NDUFAF2: variants seen among roughly 807,000 people sequenced by gnomAD.
NDUFAF2 encodes the protein NADH dehydrogenase [ubiquinone] 1 alpha subcomplex assembly factor 2.
In NDUFAF2, 13 loss-of-function variants were observed where a neutral mutation model predicts 22.8. The observed-to-expected ratio is 0.57, with a 90% CI of 0.37 to 0.91. The LOEUF is 0.91. Among genes scored for constraint, NDUFAF2 ranks in the 40% least tolerant of loss-of-function variants. NDUFAF2 has a pLI of 0.01. For missense variants in NDUFAF2, 162 were observed against 195.2 expected, an observed-to-expected ratio of 0.83 and a Z score of 1.01; for synonymous variants, 53 against 64.2, an observed-to-expected ratio of 0.83 and a Z score of 0.84.
At chr5:61,056,793 G>C (rs943299479) in intron 1 of NDUFAF2, among the ~76,000 whole-genome samples, 3 of 148,396 alleles carry the variant, frequency 2.0e-5, no homozygotes, top group Non-Finnish European at 4.4e-5. Context: ...GGAGGCTGAG[G>C]CATGAGAATC....
chr5:61,121,015 A>G (rs1460190905), intron 3 of NDUFAF2, among the ~76,000 whole-genome samples: 1 of 152,090 alleles, frequency 6.6e-6, no homozygotes, highest in Non-Finnish European at 1.5e-5. Flanking sequence ...AATGGGCGGA[A>G]TAATGGTGTT....
At chr5:61,143,753 G>A (rs34636) in intron 3 of NDUFAF2, among the ~76,000 whole-genome samples, 91,361 of 151,848 alleles carry the variant, frequency 0.6, 28,230 homozygotes, top group East Asian at 0.94. Context: ...TGAAAATAGT[G>A]AACTTTCTAA....
At chr5:60,991,374 G>T (rs1183298365) in intron 1 of NDUFAF2, among the ~76,000 whole-genome samples, 2 of 151,616 alleles carry the variant, frequency 1.3e-5, no homozygotes, top group African/African-American at 2.4e-5. Context: ...GACTATAGTT[G>T]CCCTGTTGTC....
At chr5:61,018,070 A>C (rs1335304656) in intron 1 of NDUFAF2, among the ~76,000 whole-genome samples, 1 of 152,202 alleles carries the variant, frequency 6.6e-6, no homozygotes, top group Non-Finnish European at 1.5e-5. Context: ...ATTTAATTAT[A>C]AGTACATACA....
intron 3 of NDUFAF2, among the ~76,000 whole-genome samples, chr5:61,122,294 T>C (rs1454870924): frequency 6.6e-6 from 1 of 152,176 alleles, no homozygotes; most frequent in Non-Finnish European, 1.5e-5. Flanking sequence ...TCACTAAAGG[T>C]CATACTCTTA....
At chr5:61,130,539 A>G (rs1028846375) in intron 3 of NDUFAF2, among the ~76,000 whole-genome samples, 1 of 152,142 alleles carries the variant, frequency 6.6e-6, no homozygotes, top group Non-Finnish European at 1.5e-5. Context: ...AGTCAAGCCC[A>G]GTCCAAGATT....
intron 1 of NDUFAF2, among the ~76,000 whole-genome samples, chr5:60,972,236 T>C (rs990051093): frequency 4.6e-5 from 7 of 151,586 alleles, no homozygotes; most frequent in African/African-American, 1.7e-4. Flanking sequence ...CCACTGTGCC[T>C]GGCCCATTTT....
intron 3 of NDUFAF2, among the ~76,000 whole-genome samples, chr5:61,150,902 T>C (rs1741228036): frequency 6.6e-6 from 1 of 152,166 alleles, no homozygotes; most frequent in African/African-American, 2.4e-5. Flanking sequence ...CTAGAGGGTA[T>C]AGGAAGAAGA....
intron 3 of NDUFAF2, among the ~76,000 whole-genome samples, chr5:61,128,206 A>G (rs1473120717): frequency 6.6e-6 from 1 of 152,216 alleles, no homozygotes; most frequent in African/African-American, 2.4e-5. Flanking sequence ...CAATATCATG[A>G]AAATGGCCAT....
intron 3 of NDUFAF2, among the ~76,000 whole-genome samples, chr5:61,122,852 C>A (rs750247667): frequency 2.8e-4 from 43 of 152,108 alleles, no homozygotes; most frequent in Admixed American, 5.9e-4. Context: ...ACAGGTGTAA[C>A]CTCATTACAG....
chr5:61,104,458 A>G (rs1381984154), intron 3 of NDUFAF2, among the ~76,000 whole-genome samples: 1 of 152,110 alleles, frequency 6.6e-6, no homozygotes, highest in Non-Finnish European at 1.5e-5. Context: ...TTTAATATAC[A>G]TACTCCATAA....
At chr5:61,008,930 T>C (rs1751407774) in intron 1 of NDUFAF2, among the ~76,000 whole-genome samples, 1 of 152,082 alleles carries the variant, frequency 6.6e-6, no homozygotes. Context: ...GTTTTTCTTC[T>C]TTTATTATTT....
At chr5:60,963,388 C>T (rs1291425459) in intron 1 of NDUFAF2, among the ~76,000 whole-genome samples, 2 of 152,188 alleles carry the variant, frequency 1.3e-5, no homozygotes, top group African/African-American at 2.4e-5. Context: ...CTTGCCTTCC[C>T]CTCACTGGCA....
intron 2 of NDUFAF2, among the ~76,000 whole-genome samples, chr5:61,084,175 G>C (rs1237897064): frequency 6.6e-6 from 1 of 151,416 alleles, no homozygotes; most frequent in African/African-American, 2.4e-5. Flanking sequence ...TATCATGAAT[G>C]CTGTTGGATT....
intron 1 of NDUFAF2, among the ~76,000 whole-genome samples, chr5:61,038,424 C>A (rs1384157863): frequency 6.6e-6 from 1 of 152,120 alleles, no homozygotes; most frequent in Non-Finnish European, 1.5e-5. Context: ...GACCAGACCA[C>A]TGGGACTGTA....
At chr5:60,973,442 G>A (rs1360413317) in intron 1 of NDUFAF2, among the ~76,000 whole-genome samples, 1 of 151,834 alleles carries the variant, frequency 6.6e-6, no homozygotes, top group Non-Finnish European at 1.5e-5. Context: ...TTTTCACAAA[G>A]GGAAAAAAAT....
intron 1 of NDUFAF2, among the ~76,000 whole-genome samples, chr5:60,979,909 G>C (rs983652968): frequency 1.1e-4 from 17 of 152,144 alleles, no homozygotes; most frequent in Admixed American, 3.9e-4. Context: ...AATACAACTA[G>C]TGGTGACCAC....
chr5:60,995,168 T>G (rs1396534964), intron 1 of NDUFAF2, among the ~76,000 whole-genome samples: 2 of 152,232 alleles, frequency 1.3e-5, no homozygotes, highest in Non-Finnish European at 2.9e-5. Context: ...GTGTCTCTGT[T>G]TCTCCCAAAT....
At chr5:61,075,689 G>A (rs1752360622) in intron 2 of NDUFAF2, among the ~76,000 whole-genome samples, 1 of 151,950 alleles carries the variant, frequency 6.6e-6, no homozygotes, top group African/African-American at 2.4e-5. Context: ...TCTCCCATGG[G>A]ACATATGTTT....
Sources: gnomAD v4.1 joint callset for allele counts (sites outside exome capture counted in the v4.1 genomes callset) on GRCh38, gnomAD v4.1.1 for gene constraint, MANE v1.5 for transcripts, NCBI Gene and HGNC (gene_info 2026-07-23, HGNC 2026-07-21) for gene names.